Variants in SORCS3 observed in about 807,000 individuals in gnomAD.
SORCS3 encodes the protein VPS10 domain-containing receptor SorCS3.
A neutral mutation model predicts 146.3 loss-of-function variants in SORCS3; 57 were observed. The observed-to-expected ratio is 0.39, with a 90% CI of 0.31 to 0.49. The LOEUF (loss-of-function observed/expected upper bound fraction) is 0.49. SORCS3 is among the 20% of genes least tolerant of loss of function. The pLI is 0.92. For missense variants in SORCS3, 1,341 were observed against 1,575.5 expected (o/e 0.85, Z 2.52); for synonymous variants, 653 against 618.5 (o/e 1.06, Z -0.83).
intron 1 of SORCS3, among the ~76,000 whole-genome samples, chr10:104,733,177 G>T (rs1189532069): frequency 6.6e-6 from 1 of 152,166 alleles, no homozygotes; most frequent in African/African-American, 2.4e-5. Context: ...GATGCCCCCA[G>T]GAGCCCTGAG....
chr10:104,690,352 A>G (rs1213424898), intron 1 of SORCS3, among the ~76,000 whole-genome samples: 2 of 152,186 alleles, frequency 1.3e-5, no homozygotes, highest in Non-Finnish European at 2.9e-5. Flanking sequence ...AGAAGTCCCC[A>G]TCTCTGGAGT....
In SORCS3 at chr10:104,937,163, A is replaced by G. The variant is rs954142015; in HGVS notation, c.795+21231A>G. Among the ~76,000 whole-genome samples, 9 of 152,142 alleles carry G rather than the reference A, an allele frequency of 5.9e-5. 1 individual carries two copies. The highest frequency in any genetic ancestry group is 2.0e-4 in the Admixed American group (3 of 15,274). On this transcript the variant is annotated intron_variant, in intron 3 of 26. Transcript: ENST00000369701. ...ACAGGAGGGTTCATGCTCCTATGAGAACCTAATGCCTGATGATCTGACAGG... is the reference window on the plus strand; with the variant it reads ...ACAGGAGGGTTCATGCTCCTATGAGGACCTAATGCCTGATGATCTGACAGG...
intron 2 of SORCS3, among the ~76,000 whole-genome samples, chr10:104,877,884 C>T (rs1483171863): frequency 1.3e-5 from 2 of 152,048 alleles, no homozygotes; most frequent in Non-Finnish European, 2.9e-5. Flanking sequence ...AATTATAAAA[C>T]TAGTTTTCTT....
intron 4 of SORCS3, among the ~76,000 whole-genome samples, chr10:105,040,594 G>A (rs904513116): frequency 3.3e-5 from 5 of 152,122 alleles, no homozygotes; most frequent in Non-Finnish European, 7.4e-5. Context: ...TGGTGTGTCT[G>A]TAAGTGTATA....
chr10:104,974,776 G>A (rs1443928165), intron 3 of SORCS3, among the ~76,000 whole-genome samples: 5 of 152,136 alleles, frequency 3.3e-5, no homozygotes, highest in Non-Finnish European at 7.4e-5. Flanking sequence ...AGTTGATGCA[G>A]TTTCTTCCTA....
chr10:104,678,213 A>T (rs2015934012), intron 1 of SORCS3, among the ~76,000 whole-genome samples: 1 of 152,116 alleles, frequency 6.6e-6, no homozygotes, highest in Admixed American at 6.6e-5. Flanking sequence ...AGTAATAAAA[A>T]GCCCTATTTG....
At chr10:104,761,851 G>C (rs1421026974) in intron 1 of SORCS3, among the ~76,000 whole-genome samples, 1 of 152,132 alleles carries the variant, frequency 6.6e-6, no homozygotes, top group Non-Finnish European at 1.5e-5. Context: ...GGGTTGGGGT[G>C]GTATCTTATC....
rs11340368 is a variant in SORCS3 at position 105,182,230 on chromosome 10, C to CTTTTTTTTTTTTTTTTT, written c.2009+4064_2009+4080dup. Among the ~76,000 whole-genome samples the CTTTTTTTTTTTTTTTTT allele has an allele frequency of 3.8e-3, 269 of 70,448 alleles. 22 individuals are homozygous for CTTTTTTTTTTTTTTTTT. Among genetic ancestry groups the CTTTTTTTTTTTTTTTTT allele is most frequent in the Admixed American group, 5.0e-3 (26 of 5,214 alleles). 46.2% of individuals were successfully genotyped at this position (70,448 alleles called of 152,430 possible). Reference sequence around the variant, plus strand: ...CAGCCAACTTGTGACTATTCAGCATCTTTTTTTTTTTTTTTTTTTTTTTGT... The same window carrying CTTTTTTTTTTTTTTTTT: ...CAGCCAACTTGTGACTATTCAGCATCTTTTTTTTTTTTTTTTTTTTTTTTTTTTTTTTTTTTTTTTGT... On this transcript the variant is annotated intron_variant, in intron 14 of 26. Transcript: ENST00000369701.
Position 105,196,227 on chromosome 10 carries a change from G to A in SORCS3, c.2010-3772G>A, listed in dbSNP as rs7101238. ...GATGATGCTTGCATGCTGCTCCATA[G>A]ATCAAGCCTGAGCTTGAATTTCTAT... On this transcript the variant is annotated intron_variant, in intron 14 of 26. Coordinates refer to ENST00000369701, the MANE Select transcript of SORCS3 (RefSeq NM_014978.3). 4.3e-3 allele frequency among the ~76,000 whole-genome samples: 653 copies of A among 152,292 alleles called. 6 individuals are homozygous for A. Among genetic ancestry groups the A allele is most frequent in the African/African-American group, 0.015 (638 of 41,558 alleles).
intron 2 of SORCS3, among the ~76,000 whole-genome samples, chr10:104,854,475 A>T (rs2018307801): frequency 6.6e-6 from 1 of 152,206 alleles, no homozygotes; most frequent in Non-Finnish European, 1.5e-5. Context: ...TACTTTACTC[A>T]GTCCCCCTCG....
In SORCS3 at chr10:105,247,237, T is replaced by C; in HGVS notation, c.3011T>C (p.Leu1004Pro). The C allele has an allele frequency of 1.2e-6, 2 of 1,604,582 alleles. No homozygotes were observed. Among genetic ancestry groups the C allele is most frequent in the Non-Finnish European group, 1.7e-6 (2 of 1,172,770 alleles). ...IAVHEYFQSQ[L>P]LSFSPNLDYH... ...CCTGCAGAATATTTCCAGTCCCAGC[T>C]TTTATCATTCTCTCCTAATCTGGAT... Residue 1004 changes from leucine to proline, a missense_variant, in exon 22 of 27, where the codon CTT (leucine) becomes CCT (proline). Transcript: ENST00000369701.
intron 1 of SORCS3, among the ~76,000 whole-genome samples, chr10:104,728,652 C>T (rs1043603554): frequency 6.6e-6 from 1 of 152,160 alleles, no homozygotes; most frequent in Non-Finnish European, 1.5e-5. Flanking sequence ...TACACTTGAC[C>T]TATCAGAAAT....
intron 13 of SORCS3, 131 bp downstream of exon 13, chr10:105,167,480 C>T: frequency 1.5e-6 from 1 of 645,740 alleles, no homozygotes; most frequent in Non-Finnish European, 2.7e-6. Context: ...TCCATCCATC[C>T]ATTTAATAGC....
chr10:104,708,134 T>G (rs1229359673), intron 1 of SORCS3, among the ~76,000 whole-genome samples: 1 of 152,242 alleles, frequency 6.6e-6, no homozygotes, highest in Non-Finnish European at 1.5e-5. Context: ...ACAGGGCTCT[T>G]GCTGCTTATT....
intron 3 of SORCS3, among the ~76,000 whole-genome samples, chr10:104,934,685 G>T (rs751295585): frequency 7.9e-5 from 12 of 152,178 alleles, no homozygotes; most frequent in Non-Finnish European, 2.9e-5. Flanking sequence ...TTGCCAAAGA[G>T]GTAGACCAGC....
chr10:105,017,263 C>G (rs1035637372), intron 4 of SORCS3, among the ~76,000 whole-genome samples: 2 of 151,754 alleles, frequency 1.3e-5, no homozygotes, highest in Non-Finnish European at 2.9e-5. Context: ...GGTGGTGGTA[C>G]CAGTAGAAAG....
chr10:104,912,041 T>C (rs887592790), intron 2 of SORCS3, among the ~76,000 whole-genome samples: 1 of 152,198 alleles, frequency 6.6e-6, no homozygotes. Context: ...TTTTCCTTTT[T>C]CTATTTGGAG....
intron 3 of SORCS3, among the ~76,000 whole-genome samples, chr10:104,949,691 T>C (rs982548038): frequency 2.0e-5 from 3 of 152,230 alleles, no homozygotes; most frequent in African/African-American, 4.8e-5. Flanking sequence ...ACCAAGTGCA[T>C]GCTTAAGTTA....
intron 19 of SORCS3, chr10:105,217,894 T>C (rs1305579983): frequency 2.0e-5 from 9 of 454,004 alleles, no homozygotes; most frequent in Middle Eastern, 6.8e-4. Flanking sequence ...GTTTCCCACA[T>C]GTGTATCAGT....
Sources: gnomAD v4.1 joint callset for allele counts (sites outside exome capture counted in the v4.1 genomes callset) on GRCh38, gnomAD v4.1.1 for gene constraint, MANE v1.5 for transcripts, NCBI Gene and HGNC (gene_info 2026-07-23, HGNC 2026-07-21) for gene names.